The following PALB2 variants were observed in gnomAD, a reference collection of about 807,000 sequenced individuals.
The protein encoded by PALB2 is partner and localizer of BRCA2.
In PALB2, 82 loss-of-function variants were observed where a neutral mutation model predicts 107.4. The observed-to-expected ratio is 0.76, with a 90% CI of 0.64 to 0.92. The LOEUF is 0.92. Ranked by LOEUF, PALB2 falls within the 40% of genes least tolerant of loss-of-function variation. The pLI is 0.00. For missense variants in PALB2, 1,374 were observed against 1,379.9 expected, an observed-to-expected ratio of 1.00 and a Z score of 0.07; for synonymous variants, 489 against 496.8, an observed-to-expected ratio of 0.98 and a Z score of 0.21.
chr16:23,619,559 C>G (rs568923438), intron 10 of PALB2, among the ~76,000 whole-genome samples: 26 of 151,896 alleles, frequency 1.7e-4, no homozygotes, highest in African/African-American at 6.3e-4. Flanking sequence ...AGACGCCACA[C>G]TTATTTTTTG....
At chr16:23,604,227 T>C (rs965023999) in intron 12 of PALB2, among the ~76,000 whole-genome samples, 1 of 152,254 alleles carries the variant, frequency 6.6e-6, no homozygotes, top group African/African-American at 2.4e-5. Context: ...ATGCCATCTA[T>C]GAAGCAGAAA....
chr16:23,604,137 T>C (rs1291333032), intron 12 of PALB2, among the ~76,000 whole-genome samples: 1 of 152,236 alleles, frequency 6.6e-6, no homozygotes. Flanking sequence ...TTATGACATA[T>C]ATGTTTTTAT....
At chr16:23,634,681 A>T (rs944886985) in intron 4 of PALB2, among the ~76,000 whole-genome samples, 181 bp downstream of exon 4, 2 of 131,730 alleles carry the variant, frequency 1.5e-5, no homozygotes, top group Non-Finnish European at 3.3e-5. Context: ...ATTTATTTAA[A>T]TTTTTTTGAG....
chr16:23,629,123 G>T, intron 6 of PALB2, 81 bp downstream of exon 6: 1 of 1,049,804 alleles, frequency 9.5e-7, no homozygotes. Flanking sequence ...AGAACAAGAA[G>T]CTATATGACT....
chr16:23,636,877 GTAAAC>G (rs933444600), intron 3 of PALB2, among the ~76,000 whole-genome samples: 3 of 152,036 alleles, frequency 2.0e-5, no homozygotes, highest in African/African-American at 7.3e-5. Context: ...TTACTTGAAT[GTAAAC>G]ATCAGAATTG....
At chr16:23,606,147 G>A (rs1225311942) in intron 12 of PALB2, among the ~76,000 whole-genome samples, 1 of 152,050 alleles carries the variant, frequency 6.6e-6, no homozygotes, top group Admixed American at 6.6e-5. Context: ...TTAATCTCTA[G>A]GGCCAACGAC....
Position 23,635,422 on chromosome 16 carries a change from AGAAT to A in PALB2, c.1120_1123del (p.Ile374Ter), listed in dbSNP as rs1417895889. The A allele has an allele frequency of 6.2e-7, 1 of 1,614,056 alleles. No individual in the cohort carries two copies. Among genetic ancestry groups the A allele is most frequent in the Non-Finnish European group, 8.5e-7 (1 of 1,179,924 alleles). On this transcript the variant is annotated frameshift_variant, in exon 4 of 13. Transcript: ENST00000261584. LOFTEE classifies it high-confidence loss of function. ...CAGGCTAAGACTCTTAGGTTGACTT[AGAAT>A]CTCACTTTCCTGAAGATTTTCATTC...
intron 6 of PALB2, among the ~76,000 whole-genome samples, chr16:23,627,272 G>A (rs1425289143): frequency 6.6e-6 from 1 of 151,750 alleles, no homozygotes; most frequent in Non-Finnish European, 1.5e-5. Context: ...TGGATCATGA[G>A]GTCAGGAGAT....
At chr16:23,640,535 A>C (rs1011219537) in intron 1 of PALB2, 10 of 228,822 alleles carry the variant, frequency 4.4e-5, no homozygotes, top group African/African-American at 1.8e-4. Flanking sequence ...AGGAAGAAAA[A>C]AGAAACAAAA....
intron 10 of PALB2, among the ~76,000 whole-genome samples, chr16:23,618,191 CAGG>C (rs1183410966): frequency 6.6e-6 from 1 of 151,944 alleles, no homozygotes; most frequent in East Asian, 1.9e-4. Flanking sequence ...CCCAGCTACT[CAGG>C]AGGCTGAGGT....
At chr16:23,621,066 T>C (rs985963872) in intron 10 of PALB2, among the ~76,000 whole-genome samples, 1 of 152,130 alleles carries the variant, frequency 6.6e-6, no homozygotes, top group East Asian at 1.9e-4. Flanking sequence ...AAAAATTAGC[T>C]GGGTGTGGTG....
chr16:23,610,132 A>T (rs1966557552), intron 11 of PALB2, among the ~76,000 whole-genome samples: 1 of 152,220 alleles, frequency 6.6e-6, no homozygotes, highest in South Asian at 2.1e-4. Context: ...GAACACAGCT[A>T]CATCTATCCA....
rs864622193 is a variant in PALB2, at chr16:23,607,883, G to C, written c.3331C>G (p.Pro1111Ala). The change falls in exon 12 of 13, where the codon CCT becomes GCT. Residue 1111 changes from proline (P) to alanine (A), a missense_variant. Pro to Ala is a conservative substitution (Grantham distance 27). Coordinates refer to ENST00000261584, the MANE Select transcript of PALB2 (RefSeq NM_024675.4). ...LSVGVMLYCL[P>A]PGQAGRFLEG... The stretch of plus-strand genomic sequence containing the variant: ...ACTTGCCTGCCAGCCTGCCCTGGAG[G>C]AAGACAGTACAGCATCACACCCACG... The C allele has an allele frequency of 3.7e-6, 6 of 1,613,898 alleles. No homozygotes were observed. Among genetic ancestry groups the C allele is most frequent in the Non-Finnish European group, 5.1e-6 (6 of 1,179,986 alleles).
In PALB2 at chr16:23,630,236, A is replaced by T. The variant is rs876659058; in HGVS notation, c.1918T>A (p.Ser640Thr). 4 of 1,614,010 alleles carry T rather than the reference A, an allele frequency of 2.5e-6. No homozygotes were observed. In the South Asian group the frequency reaches 4.4e-5, roughly 18 times the overall value. ...AGATGTCTCTCTCCAAACATTTTTGACTCAAAGGGCTCCACTGGTTTTTCT... is the reference window on the plus strand; with the variant it reads ...AGATGTCTCTCTCCAAACATTTTTGTCTCAAAGGGCTCCACTGGTTTTTCT... The part of the protein sequence containing the change: ...CSEKPVEPFE[S>T]KMFGERHLKE... The change falls in exon 5 of 13, where the codon TCA becomes ACA. Residue 640 changes from serine (S) to threonine (T), a missense_variant. Physicochemically the swap from Ser to Thr is moderately conservative, Grantham distance 58 (BLOSUM62 1). Coordinates refer to ENST00000261584, the MANE Select transcript of PALB2 (RefSeq NM_024675.4).
chr16:23,607,813 C>T (rs2142270470), intron 12 of PALB2, 51 bp downstream of exon 12: 1 of 1,605,618 alleles, frequency 6.2e-7, no homozygotes, highest in Non-Finnish European at 8.5e-7. Flanking sequence ...TGTGTTTGCA[C>T]AGTGCCTTTC....
At chr16:23,627,209 C>T (rs186608716) in intron 6 of PALB2, among the ~76,000 whole-genome samples, 1 of 151,778 alleles carries the variant, frequency 6.6e-6, no homozygotes. Flanking sequence ...TAATCACGGC[C>T]GGGCGCGGTG....
At chr16:23,629,102 A>C in intron 6 of PALB2, 102 bp downstream of exon 6, 1 of 881,122 alleles carries the variant, frequency 1.1e-6, no homozygotes, top group African/African-American at 1.7e-5. Flanking sequence ...CAATATCTTT[A>C]ATAGTATTAA....
At chr16:23,634,232 TAA>T (rs1966926801) in intron 4 of PALB2, among the ~76,000 whole-genome samples, 1 of 152,192 alleles carries the variant, frequency 6.6e-6, no homozygotes, top group Non-Finnish European at 1.5e-5. Flanking sequence ...TTAAATTAAG[TAA>T]AGTTATTTTA....
chr16:23,610,422 C>G (rs1035413549), intron 11 of PALB2, among the ~76,000 whole-genome samples: 3 of 150,742 alleles, frequency 2.0e-5, no homozygotes, highest in African/African-American at 7.3e-5. Context: ...AATTCTCCTT[C>G]CTCAGCCTCC....
Sources: gnomAD v4.1 joint callset for allele counts (sites outside exome capture counted in the v4.1 genomes callset) on GRCh38, gnomAD v4.1.1 for gene constraint, MANE v1.5 for transcripts, NCBI Gene and HGNC (gene_info 2026-07-23, HGNC 2026-07-21) for gene names.